The following LRBA variants were observed in gnomAD, a reference collection of about 807,000 sequenced individuals.
The protein encoded by LRBA is lipopolysaccharide-responsive and beige-like anchor protein.
A neutral mutation model predicts 330.0 loss-of-function variants in LRBA; 176 were observed. The observed-to-expected ratio is 0.53, with a 90% CI of 0.47 to 0.60. The LOEUF (loss-of-function observed/expected upper bound fraction) is 0.60. LRBA is among the 20% of genes least tolerant of loss of function. The probability of loss-of-function intolerance (pLI) is 0.00; values close to 1 mark genes in which losing one functional copy is unlikely to be tolerated. For missense variants in LRBA, 3,259 were observed against 3,444.8 expected (o/e 0.95, Z 1.35); for synonymous variants, 1,230 against 1,193.0 (o/e 1.03, Z -0.64).
chr4:150,559,309 T>A (rs990399623), intron 40 of LRBA, among the ~76,000 whole-genome samples: 1 of 151,624 alleles, frequency 6.6e-6, no homozygotes, highest in African/African-American at 2.4e-5. Context: ...ATGCCTGTAA[T>A]CCCAGCACGT....
chr4:150,802,031 AAATAAATAAATAAATAAATC>A lies in LRBA; in HGVS notation c.5519-3909_5519-3890del, dbSNP rs746137955. On this transcript the variant is annotated intron_variant, in intron 33 of 56. Transcript: ENST00000651943. ...TAAATAAATAAATAAATAAATAAAT[AAATAAATAAATAAATAAATC>A]AATAAAATTTTTTAAAACATTAGAC... Among the ~76,000 whole-genome samples the A allele has an allele frequency of 9.0e-3, 992 of 110,054 alleles. 6 individuals are homozygous for A. The highest frequency in any genetic ancestry group is 0.02 in the African/African-American group (685 of 33,712). The allele number at this position is 110,054 out of a possible 152,430, so 72.2% of individuals were successfully genotyped here. A position where few individuals can be genotyped will look rare whatever the true frequency, so the allele number is the denominator to read the frequency against.
intron 40 of LRBA, among the ~76,000 whole-genome samples, chr4:150,527,525 T>A (rs912604376): frequency 3.3e-5 from 5 of 152,144 alleles, no homozygotes; most frequent in Admixed American, 6.5e-5. Flanking sequence ...AAAGGAAGAA[T>A]GAGATCTAAG....
intron 34 of LRBA, among the ~76,000 whole-genome samples, chr4:150,769,099 G>C (rs62346338): frequency 0.093 from 14,094 of 151,686 alleles, 1,183 homozygotes; most frequent in African/African-American, 0.23. Context: ...ACCACACTCA[G>C]CTAATTTTTT....
chr4:150,655,530 T>A (rs1780100411), intron 37 of LRBA, among the ~76,000 whole-genome samples: 2 of 152,242 alleles, frequency 1.3e-5, no homozygotes, highest in African/African-American at 4.8e-5. Context: ...TAGATACTGC[T>A]AAATTGCTTT....
chr4:150,456,444 T>C (rs898109055), intron 44 of LRBA, among the ~76,000 whole-genome samples: 1 of 152,200 alleles, frequency 6.6e-6, no homozygotes, highest in Non-Finnish European at 1.5e-5. Context: ...TGCCTTTTCA[T>C]ATGCCTGCAT....
intron 40 of LRBA, among the ~76,000 whole-genome samples, chr4:150,529,925 A>G (rs1176429521): frequency 6.6e-6 from 1 of 152,206 alleles, no homozygotes; most frequent in African/African-American, 2.4e-5. Context: ...ATTTCGCATT[A>G]TACTTTTCTT....
At chr4:150,774,493 A>G (rs1488250371) in intron 34 of LRBA, among the ~76,000 whole-genome samples, 1 of 152,204 alleles carries the variant, frequency 6.6e-6, no homozygotes, top group Non-Finnish European at 1.5e-5. Context: ...ATATTTATAC[A>G]TTGATTAAAT....
At chr4:150,680,795 T>C (rs1782987011) in intron 37 of LRBA, among the ~76,000 whole-genome samples, 1 of 152,184 alleles carries the variant, frequency 6.6e-6, no homozygotes, top group African/African-American at 2.4e-5. Flanking sequence ...ATTGATGTAA[T>C]GGCATGGGTC....
intron 36 of LRBA, among the ~76,000 whole-genome samples, chr4:150,733,221 T>C (rs895952920): frequency 2.6e-5 from 4 of 151,966 alleles, no homozygotes; most frequent in Admixed American, 6.6e-5. Context: ...TGTGGAGTCT[T>C]TTTTCCAGTT....
chr4:150,479,825 T>G (rs897807126), intron 42 of LRBA, among the ~76,000 whole-genome samples: 2 of 152,198 alleles, frequency 1.3e-5, no homozygotes, highest in African/African-American at 2.4e-5. Context: ...ATGGAAAAAC[T>G]GACTCGGTAA....
intron 36 of LRBA, among the ~76,000 whole-genome samples, chr4:150,703,216 A>G (rs934699974): frequency 6.6e-6 from 1 of 152,248 alleles, no homozygotes. Flanking sequence ...ATTAAGAAAA[A>G]CAGCGACAAT....
chr4:150,990,562 T>C (rs1377670596), intron 2 of LRBA, among the ~76,000 whole-genome samples: 1 of 151,668 alleles, frequency 6.6e-6, no homozygotes, highest in Admixed American at 6.6e-5. Context: ...ACCCCGTCTC[T>C]ACAAAAAAAA....
chr4:150,525,037 A>G (rs1458921302), intron 40 of LRBA, among the ~76,000 whole-genome samples: 3 of 152,148 alleles, frequency 2.0e-5, no homozygotes, highest in African/African-American at 7.2e-5. Context: ...GAACTCTTTA[A>G]TCAATTGTCC....
At chr4:150,363,002 G>A (rs1000587240) in intron 47 of LRBA, among the ~76,000 whole-genome samples, 3 of 152,086 alleles carry the variant, frequency 2.0e-5, no homozygotes, top group Admixed American at 6.5e-5. Context: ...GCATGGTAGA[G>A]TGCTTGTAGT....
At chr4:150,698,270 G>GA (rs1377756611) in intron 36 of LRBA, among the ~76,000 whole-genome samples, 1 of 152,004 alleles carries the variant, frequency 6.6e-6, no homozygotes, top group African/African-American at 2.4e-5. Context: ...AATCCATTAA[G>GA]AAAAGGAAGG....
At chr4:150,688,670 C>A (rs1393024663) in intron 36 of LRBA, among the ~76,000 whole-genome samples, 1 of 152,086 alleles carries the variant, frequency 6.6e-6, no homozygotes, top group Non-Finnish European at 1.5e-5. Flanking sequence ...CAAAAGAAGA[C>A]ATTTATGCGG....
intron 36 of LRBA, among the ~76,000 whole-genome samples, chr4:150,726,192 G>T (rs1729642943): frequency 6.6e-6 from 1 of 152,064 alleles, no homozygotes; most frequent in Non-Finnish European, 1.5e-5. Context: ...CCAATCAAAA[G>T]AAATAAAGTG....
intron 33 of LRBA, among the ~76,000 whole-genome samples, chr4:150,803,945 T>C (rs1308999921): frequency 6.6e-6 from 1 of 152,124 alleles, no homozygotes; most frequent in African/African-American, 2.4e-5. Flanking sequence ...TTATCTGCTA[T>C]AAAATTCAAA....
chr4:150,957,671 C>A (rs993611831), intron 2 of LRBA, among the ~76,000 whole-genome samples: 2 of 149,056 alleles, frequency 1.3e-5, no homozygotes, highest in South Asian at 2.1e-4. Context: ...CAAGGCAAGT[C>A]CCTTCTGCCT....
Sources: gnomAD v4.1 joint callset for allele counts (sites outside exome capture counted in the v4.1 genomes callset) on GRCh38, gnomAD v4.1.1 for gene constraint, MANE v1.5 for transcripts, NCBI Gene and HGNC (gene_info 2026-07-23, HGNC 2026-07-21) for gene names.